ACYP2: variants seen among roughly 807,000 people sequenced by gnomAD.
ACYP2 encodes acylphosphatase 2.
In ACYP2, 12 loss-of-function variants were observed where a neutral mutation model predicts 11.2. The observed-to-expected ratio is 1.08, with a 90% CI of 0.69 to 1.74. The LOEUF (loss-of-function observed/expected upper bound fraction) is 1.74. Among genes scored for constraint, ACYP2 ranks in the 40% most tolerant of loss-of-function variants. The pLI, the probability that ACYP2 is intolerant of heterozygous loss-of-function variation, is 0.00. For missense variants in ACYP2, 134 were observed against 101.9 expected (o/e 1.31, Z -1.35); for synonymous variants, 43 against 32.2 (o/e 1.33, Z -1.13).
Position 54,266,909 on chromosome 2 carries a change from G to A in ACYP2, c.405-37779G>A, listed in dbSNP as rs1479777920. Among the ~76,000 whole-genome samples the A allele has an allele frequency of 2.6e-5, 4 of 152,154 alleles. No homozygotes were observed. In the South Asian group the frequency reaches 8.3e-4, roughly 32 times the overall value. ...CAGGCATGAGCCACCGCACCCGGCC[G>A]AGGTGCAGAAATGTTAATTTGCAGA... On this transcript the variant is annotated intron_variant, in intron 6 of 6. Transcript: ENST00000607452.
intron 4 of ACYP2, chr2:54,065,609 G>T: frequency 2.5e-6 from 1 of 398,008 alleles, no homozygotes; most frequent in South Asian, 1.3e-4. Flanking sequence ...GGGCTGGTGT[G>T]AGTAAGTGGA....
intron 2 of ACYP2, among the ~76,000 whole-genome samples, chr2:54,025,563 TA>T (rs940781097): frequency 5.3e-5 from 8 of 152,104 alleles, no homozygotes; most frequent in African/African-American, 1.9e-4. Flanking sequence ...TCTTACCTTA[TA>T]AAAAAATCAA....
At chr2:54,232,592 A>C (rs531802369) in intron 6 of ACYP2, among the ~76,000 whole-genome samples, 2 of 152,218 alleles carry the variant, frequency 1.3e-5, no homozygotes, top group East Asian at 1.9e-4. Context: ...GTATTAGTCC[A>C]TTTTCACACT....
intron 2 of ACYP2, among the ~76,000 whole-genome samples, chr2:53,981,598 A>T (rs188694645): frequency 3.9e-4 from 59 of 152,330 alleles, no homozygotes; most frequent in African/African-American, 1.4e-3. Context: ...TTTGCCACGC[A>T]TAAAAAGGGG....
chr2:54,068,835 G>A (rs1202605163), intron 4 of ACYP2, among the ~76,000 whole-genome samples: 1 of 152,034 alleles, frequency 6.6e-6, no homozygotes, highest in African/African-American at 2.4e-5. Flanking sequence ...AGCAATGGCT[G>A]TTGGTACAGC....
At chr2:54,288,145 C>A (rs1689156913) in intron 6 of ACYP2, among the ~76,000 whole-genome samples, 1 of 151,900 alleles carries the variant, frequency 6.6e-6, no homozygotes, top group Admixed American at 6.6e-5. Context: ...AAAATGGAAA[C>A]AAAATCACCT....
intron 5 of ACYP2, among the ~76,000 whole-genome samples, chr2:54,136,617 C>T (rs1374340470): frequency 6.6e-6 from 1 of 152,176 alleles, no homozygotes; most frequent in Non-Finnish European, 1.5e-5. Context: ...TTTCATACAG[C>T]TGGGGATGTG....
intron 6 of ACYP2, among the ~76,000 whole-genome samples, chr2:54,187,631 T>C (rs978850630): frequency 4.6e-5 from 7 of 152,162 alleles, no homozygotes; most frequent in Non-Finnish European, 1.0e-4. Flanking sequence ...GAATCAGCCA[T>C]TGCACAGCAG....
At chr2:54,126,910 T>C (rs1316953934) in intron 4 of ACYP2, among the ~76,000 whole-genome samples, 2 of 148,350 alleles carry the variant, frequency 1.3e-5, no homozygotes, top group Non-Finnish European at 3.0e-5. Context: ...GCCGAGATTG[T>C]GCAACTGCAC....
chr2:54,187,138 C>A (rs1684044412), intron 6 of ACYP2, among the ~76,000 whole-genome samples: 2 of 152,202 alleles, frequency 1.3e-5, no homozygotes, highest in South Asian at 4.1e-4. Flanking sequence ...TTACTATAAG[C>A]CAAGACGTAA....
chr2:54,266,782 A>AT (rs917285123), intron 6 of ACYP2, among the ~76,000 whole-genome samples: 37 of 149,582 alleles, frequency 2.5e-4, no homozygotes, highest in African/African-American at 4.7e-4. Flanking sequence ...ATTTTTTTGT[A>AT]TTTTTTTTAG....
At chr2:54,203,937 G>C (rs1355173690) in intron 6 of ACYP2, among the ~76,000 whole-genome samples, 1 of 152,090 alleles carries the variant, frequency 6.6e-6, no homozygotes, top group African/African-American at 2.4e-5. Flanking sequence ...ATGCAGTCCA[G>C]CACAAATTCA....
At chr2:54,151,584 A>C (rs897890321) in intron 6 of ACYP2, among the ~76,000 whole-genome samples, 12 of 152,346 alleles carry the variant, frequency 7.9e-5, no homozygotes, top group Non-Finnish European at 1.5e-4. Context: ...TGGAAAAAGA[A>C]TAGTTTAGTC....
At chr2:54,187,882 A>G (rs1684075035) in intron 6 of ACYP2, among the ~76,000 whole-genome samples, 1 of 152,180 alleles carries the variant, frequency 6.6e-6, no homozygotes, top group African/African-American at 2.4e-5. Context: ...TGGGATCCTC[A>G]CTGATGGATA....
intron 6 of ACYP2, among the ~76,000 whole-genome samples, chr2:54,248,437 T>TA (rs1405179399): frequency 6.6e-6 from 1 of 152,146 alleles, no homozygotes; most frequent in Non-Finnish European, 1.5e-5. Context: ...TTGTGCTAGA[T>TA]ATAATACCAT....
At chr2:54,201,431 A>G (rs115182559) in intron 6 of ACYP2, among the ~76,000 whole-genome samples, 2,092 of 152,006 alleles carry the variant, frequency 0.014, 57 homozygotes, top group African/African-American at 0.046. Context: ...ATTGTCGAAT[A>G]GTAAGAGTTC....
chr2:54,256,218 AC>A (rs1687525639), intron 6 of ACYP2: 1 of 1,522,502 alleles, frequency 6.6e-7, no homozygotes, highest in Admixed American at 2.1e-5. Flanking sequence ...AACGTTCCTC[AC>A]ACAAAATGGC....
At chr2:54,059,967 C>T (rs772238979) in intron 4 of ACYP2, among the ~76,000 whole-genome samples, 69 of 152,312 alleles carry the variant, frequency 4.5e-4, no homozygotes, top group Non-Finnish European at 7.1e-4. Context: ...GCCTCCCATC[C>T]CCAGTCCTCT....
chr2:54,297,433 G>C (rs992403456), intron 6 of ACYP2, among the ~76,000 whole-genome samples: 7 of 152,160 alleles, frequency 4.6e-5, no homozygotes, highest in Non-Finnish European at 1.0e-4. Context: ...AGGAGTTCGA[G>C]ATTACAGTGC....
Sources: gnomAD v4.1 joint callset for allele counts (sites outside exome capture counted in the v4.1 genomes callset) on GRCh38, gnomAD v4.1.1 for gene constraint, MANE v1.5 for transcripts, NCBI Gene and HGNC (gene_info 2026-07-23, HGNC 2026-07-21) for gene names.